SIL1: variants seen among roughly 807,000 people sequenced by gnomAD.
SIL1 encodes SIL1 nucleotide exchange factor.
A neutral mutation model predicts 49.1 loss-of-function variants in SIL1; 40 were observed. The ratio of observed to expected loss-of-function variants is 0.81; its 90% CI spans 0.63 to 1.06. The LOEUF is 1.06. Ranked by LOEUF, SIL1 falls within the 50% of genes least tolerant of loss-of-function variation. The pLI, the probability that SIL1 is intolerant of heterozygous loss-of-function variation, is 0.00. For synonymous variants in SIL1, 253 were observed against 250.8 expected (o/e 1.01, Z -0.08); for missense variants, 500 against 572.6 (o/e 0.87, Z 1.29).
intron 7 of SIL1, among the ~76,000 whole-genome samples, chr5:138,991,075 G>A (rs947128160): frequency 1.3e-5 from 2 of 152,150 alleles, no homozygotes; most frequent in African/African-American, 4.8e-5. Flanking sequence ...TCTGAAAAAT[G>A]AAGGCTTCAT....
chr5:139,001,197 C>G (rs1767977522), intron 7 of SIL1, among the ~76,000 whole-genome samples: 1 of 152,078 alleles, frequency 6.6e-6, no homozygotes. Flanking sequence ...TAATACAAAA[C>G]ATTGACAAGG....
chr5:139,113,323 A>AAAAAT (rs1770914730), intron 3 of SIL1, among the ~76,000 whole-genome samples: 1 of 123,182 alleles, frequency 8.1e-6, no homozygotes, highest in Non-Finnish European at 1.8e-5. Context: ...AAATAAATAA[A>AAAAAT]TAAATTTAAA....
chr5:139,148,168 T>C (rs1395319440), intron 1 of SIL1, among the ~76,000 whole-genome samples: 1 of 151,472 alleles, frequency 6.6e-6, no homozygotes, highest in African/African-American at 2.4e-5. Context: ...ATCTGGTATC[T>C]GTTCTCTTTA....
intron 7 of SIL1, among the ~76,000 whole-genome samples, chr5:138,990,908 G>A (rs1347478229): frequency 6.6e-6 from 1 of 152,340 alleles, no homozygotes; most frequent in South Asian, 2.1e-4. Context: ...TAGAGACGGG[G>A]TTTTGCCATG....
chr5:138,961,347 T>C (rs1191189288), intron 7 of SIL1, among the ~76,000 whole-genome samples: 3 of 152,256 alleles, frequency 2.0e-5, no homozygotes, highest in Non-Finnish European at 4.4e-5. Flanking sequence ...TTTACACTTT[T>C]TGTACACTCC....
intron 7 of SIL1, among the ~76,000 whole-genome samples, chr5:138,977,902 G>A (rs1767426903): frequency 6.6e-6 from 1 of 152,118 alleles, no homozygotes; most frequent in South Asian, 2.1e-4. Flanking sequence ...CCTGCTGCCT[G>A]GAAAACCCTT....
At chr5:139,150,189 C>A (rs745660401) in intron 1 of SIL1, among the ~76,000 whole-genome samples, 3 of 152,206 alleles carry the variant, frequency 2.0e-5, no homozygotes, top group Non-Finnish European at 4.4e-5. Flanking sequence ...ATAACTTCAA[C>A]AGAAAAGCAG....
intron 7 of SIL1, among the ~76,000 whole-genome samples, chr5:138,959,748 C>T (rs996050624): frequency 3.9e-5 from 6 of 152,234 alleles, no homozygotes; most frequent in Non-Finnish European, 7.3e-5. Context: ...CAAACCTACC[C>T]TCAGGGATCC....
intron 4 of SIL1, among the ~76,000 whole-genome samples, chr5:139,050,705 G>GT (rs1288932945): frequency 6.6e-6 from 1 of 152,158 alleles, no homozygotes; most frequent in African/African-American, 2.4e-5. Flanking sequence ...TTTAAAGCAG[G>GT]TTAAGCATTC....
At position 138,947,432 on chromosome 5, in the gene SIL1, G is replaced by A. The variant is rs1766660391; in HGVS notation, c.1071C>T (p.Ser357=). ...EEEAELTQEM[S]PEKLQQYRQV... ...GGCGATACTGCTGCAGCTTCTCTGGGGACATCTCCTGGGTCAGCTCAGCCT... is the reference window on the plus strand; with the variant it reads ...GGCGATACTGCTGCAGCTTCTCTGGAGACATCTCCTGGGTCAGCTCAGCCT... The change falls in exon 10 of 10, where the codon TCC becomes TCT. Residue 357 remains serine (S), a synonymous_variant. Coordinates refer to ENST00000394817, the MANE Select transcript of SIL1 (RefSeq NM_022464.5). This position sits in a 1 kb window ranked among gnomAD's most constrained non-coding sequence, Gnocchi z 4.1. The A allele has an allele frequency of 6.2e-7, 1 of 1,613,616 alleles. No homozygotes were observed. Among genetic ancestry groups the A allele is most frequent in the Non-Finnish European group, 8.5e-7 (1 of 1,180,024 alleles).
chr5:138,947,585 G>T lies in SIL1; in HGVS notation c.1030-112C>A. 2 of 898,362 alleles carry T rather than the reference G, an allele frequency of 2.2e-6. No homozygotes were observed. The highest frequency in any genetic ancestry group is 3.7e-6 in the Non-Finnish European group (2 of 543,204). 55.6% of individuals were successfully genotyped at this position (898,362 alleles called of 1,614,324 possible). A position where few individuals can be genotyped will look rare whatever the true frequency, so the allele number is the denominator to read the frequency against. On this transcript the variant is annotated intron_variant, in intron 9 of 9. Transcript: ENST00000394817. This position sits in a 1 kb window ranked among gnomAD's most constrained non-coding sequence, Gnocchi z 4.1. Reference sequence around the variant, plus strand: ...TGCCCTTCAGACAGGAAGGCACGAGGCTGACCCCTGAGGGCCCACCTCTTC... The same window carrying T: ...TGCCCTTCAGACAGGAAGGCACGAGTCTGACCCCTGAGGGCCCACCTCTTC...
At chr5:139,141,349 A>G (rs1482378109) in intron 1 of SIL1, among the ~76,000 whole-genome samples, 2 of 152,170 alleles carry the variant, frequency 1.3e-5, no homozygotes, top group Admixed American at 6.5e-5. Flanking sequence ...GTGGTAATAC[A>G]TAAAAACAGG....
chr5:139,128,767 C>T (rs1750804268), intron 1 of SIL1, among the ~76,000 whole-genome samples: 1 of 152,140 alleles, frequency 6.6e-6, no homozygotes, highest in Admixed American at 6.5e-5. Context: ...AGATTCAGAG[C>T]AATCTCTGTT....
intron 3 of SIL1, among the ~76,000 whole-genome samples, chr5:139,112,433 T>C (rs1301785458): frequency 1.3e-5 from 2 of 149,222 alleles, no homozygotes; most frequent in African/African-American, 2.5e-5. Flanking sequence ...TCGTCTGAGA[T>C]GTAGGGAGCG....
chr5:139,047,449 A>G (rs1360160512), intron 4 of SIL1, among the ~76,000 whole-genome samples: 8 of 152,228 alleles, frequency 5.3e-5, no homozygotes, highest in Non-Finnish European at 8.8e-5. Context: ...CAACCAGTAA[A>G]AATAGTAGAA....
chr5:139,086,561 T>TGGCCAGGCTGGTCTCGAAATCCTA (rs2036080797), intron 3 of SIL1, among the ~76,000 whole-genome samples: 2 of 151,814 alleles, frequency 1.3e-5, no homozygotes, highest in South Asian at 4.2e-4. Context: ...TTTCACCAGT[T>TGGCCAGGCTGGTCTCGAAATCCTA]GGCCAGGCTG....
At chr5:139,187,865 A>C (rs1171885250) in intron 1 of SIL1, 1 of 152,200 alleles carries the variant, frequency 6.6e-6, no homozygotes, top group East Asian at 1.9e-4. Context: ...ACTAAGTCAT[A>C]GGGGCGGATT....
chr5:139,048,088 T>G (rs1030122596), intron 4 of SIL1, among the ~76,000 whole-genome samples: 10 of 152,136 alleles, frequency 6.6e-5, no homozygotes, highest in African/African-American at 1.9e-4. Flanking sequence ...ACAAATAAAC[T>G]CCAAATTAAT....
At chr5:139,114,236 T>A (rs1164575220) in intron 3 of SIL1, among the ~76,000 whole-genome samples, 2 of 152,212 alleles carry the variant, frequency 1.3e-5, no homozygotes, top group Non-Finnish European at 2.9e-5. Flanking sequence ...CAGTCCTTCC[T>A]GGCCTGGCCT....
Sources: gnomAD v4.1 joint callset for allele counts (sites outside exome capture counted in the v4.1 genomes callset) on GRCh38, gnomAD v4.1.1 for gene constraint, Gnocchi (gnomAD v3.1) non-coding constraint, MANE v1.5 for transcripts, NCBI Gene and HGNC (gene_info 2026-07-23, HGNC 2026-07-21) for gene names.